The following PFKFB3 variants were observed in gnomAD, a reference collection of about 807,000 sequenced individuals.
The protein encoded by PFKFB3 is 6-phosphofructo-2-kinase/fructose-2,6-bisphosphatase 3.
Under a neutral mutation model 68.0 loss-of-function variants are expected in PFKFB3, and 33 were observed. The ratio of observed to expected loss-of-function variants is 0.49; its 90% CI spans 0.37 to 0.65. PFKFB3 has a LOEUF of 0.65. Among genes scored for constraint, PFKFB3 ranks in the 30% least tolerant of loss-of-function variants. The probability of loss-of-function intolerance (pLI) is 0.00; values close to 1 mark genes in which losing one functional copy is unlikely to be tolerated. For missense variants in PFKFB3, 586 were observed against 712.2 expected, an observed-to-expected ratio of 0.82 and a Z score of 2.02; for synonymous variants, 315 against 288.2, an observed-to-expected ratio of 1.09 and a Z score of -0.94.
chr10:6,246,977 C>T (rs1370627267), intron 14 of PFKFB3, among the ~76,000 whole-genome samples: 1 of 152,228 alleles, frequency 6.6e-6, no homozygotes, highest in East Asian at 1.9e-4. Flanking sequence ...CGCCCTTGCC[C>T]TGTGGGTCTG....
At position 6,215,648 on chromosome 10, in the gene PFKFB3, G is replaced by A. The variant is rs1844527020; in HGVS notation, c.299+331G>A. Among the ~76,000 whole-genome samples the A allele has an allele frequency of 6.6e-6, 1 of 152,196 alleles. No individual in the cohort carries two copies. Among genetic ancestry groups the A allele is most frequent in the Non-Finnish European group, 1.5e-5 (1 of 68,036 alleles). ...CCCTCACTGGGACAGAGCCGCAGAA[G>A]CACCCTCACTGAGAATTAGCAAGTC... is the stretch of plus-strand genomic sequence containing the variant. On this transcript the variant is annotated intron_variant, in intron 3 of 14. Transcript: ENST00000379775. This position sits in a 1 kb window ranked among gnomAD's most constrained non-coding sequence, Gnocchi z 4.3.
chr10:6,300,080 A>G, the PFKFB3 span, among the ~76,000 whole-genome samples: 376 of 139,602 alleles, frequency 2.7e-3, 2 homozygotes, highest in African/African-American at 9.1e-3. Flanking sequence ...CAGAATACCC[A>G]TTGTAGTTAG....
intron 14 of PFKFB3, among the ~76,000 whole-genome samples, chr10:6,230,182 C>G (rs1008088532): frequency 5.3e-5 from 8 of 152,162 alleles, no homozygotes; most frequent in Non-Finnish European, 1.2e-4. Context: ...AAAATACATC[C>G]GATGGACCCA....
rs35266127 is a variant in PFKFB3 at position 6,165,978 on chromosome 10, CT to C, written c.16+20984del. On this transcript the variant is annotated intron_variant, in intron 1 of 14. Coordinates refer to the PFKFB3 transcript ENST00000379789. Reference sequence around the variant, plus strand: ...TACAGGCGTGGATCACCAGGCTCAACTTTTTTTTTTTTTTTTTTTGAGACGA... The same window carrying C: ...TACAGGCGTGGATCACCAGGCTCAACTTTTTTTTTTTTTTTTTTGAGACGA... 2.5e-3 allele frequency among the ~76,000 whole-genome samples: 307 copies of C among 124,868 alleles called. 1 individual carries two copies. The highest frequency in any genetic ancestry group is 5.0e-3 in the African/African-American group (162 of 32,200). 81.9% of individuals were successfully genotyped at this position (124,868 alleles called of 152,430 possible). A position where few individuals can be genotyped will look rare whatever the true frequency, so the allele number is the denominator to read the frequency against.
At position 6,228,308 on chromosome 10, in the gene PFKFB3, A is replaced by G. The variant is rs948172947; in HGVS notation, c.1515+1943A>G. 30 of 1,470,466 alleles carry G rather than the reference A, an allele frequency of 2.0e-5. No individual in the cohort carries two copies. Among genetic ancestry groups the G allele is most frequent in the Admixed American group, 6.7e-5 (4 of 59,666 alleles). 91.1% of individuals were successfully genotyped at this position (1,470,466 alleles called of 1,614,324 possible). ...CCTGCCTGTTAAAATATTGAGGATG[A>G]GAGCAGTTTTGTGATGTGAGGTCTT... On this transcript the variant is annotated intron_variant, in intron 14 of 14. Coordinates refer to ENST00000379775, the MANE Select transcript of PFKFB3 (RefSeq NM_004566.4). This position sits in a 1 kb window ranked among gnomAD's most constrained non-coding sequence, Gnocchi z 4.5.
At chr10:6,304,219 C>T in the PFKFB3 span, among the ~76,000 whole-genome samples, 1 of 152,252 alleles carries the variant, frequency 6.6e-6, no homozygotes, top group East Asian at 1.9e-4. Flanking sequence ...AGATAGAAAG[C>T]TCCCTTTTAT....
At chr10:6,210,107 G>A (rs1052233815) in intron 1 of PFKFB3, among the ~76,000 whole-genome samples, 2 of 120,398 alleles carry the variant, frequency 1.7e-5, no homozygotes, top group African/African-American at 5.2e-5. Context: ...TGAGGCGGGT[G>A]GGGGGTGTCT....
At chr10:6,271,620 A>G in the PFKFB3 span, among the ~76,000 whole-genome samples, 1 of 152,208 alleles carries the variant, frequency 6.6e-6, no homozygotes, top group Non-Finnish European at 1.5e-5. Flanking sequence ...GATCTTGGAC[A>G]AGATGTTCAA....
At chr10:6,304,373 C>A in the PFKFB3 span, among the ~76,000 whole-genome samples, 2 of 151,728 alleles carry the variant, frequency 1.3e-5, no homozygotes, top group African/African-American at 2.4e-5. Context: ...GCTCAGCACA[C>A]CCTAAGAATC....
intron 7 of PFKFB3, 66 bp downstream of exon 7, chr10:6,219,759 C>T (rs1369260204): frequency 4.3e-5 from 67 of 1,555,698 alleles, no homozygotes; most frequent in Admixed American, 7.2e-5. Context: ...TCTTGATGTT[C>T]CCACAAAGGA....
the PFKFB3 span, among the ~76,000 whole-genome samples, chr10:6,292,253 C>T: frequency 1.4e-5 from 2 of 147,248 alleles, no homozygotes; most frequent in African/African-American, 2.5e-5. Context: ...AGCACCCAGC[C>T]GAAACCAGTG....
chr10:6,279,696 A>G, the PFKFB3 span, among the ~76,000 whole-genome samples: 1 of 152,162 alleles, frequency 6.6e-6, no homozygotes, highest in Non-Finnish European at 1.5e-5. Flanking sequence ...CGGCAATCAG[A>G]AACTAACCAT....
the PFKFB3 span, among the ~76,000 whole-genome samples, chr10:6,266,649 A>G: frequency 1.3e-5 from 2 of 152,252 alleles, no homozygotes; most frequent in African/African-American, 2.4e-5. Context: ...TATTGGAAAT[A>G]TACATTCATA....
At chr10:6,226,484 C>A in intron 14 of PFKFB3, 119 bp downstream of exon 14, 1 of 917,640 alleles carries the variant, frequency 1.1e-6, no homozygotes, top group Non-Finnish European at 1.6e-6. Context: ...TGTGGGTGCG[C>A]GTGCGTATGT....
the PFKFB3 span, among the ~76,000 whole-genome samples, chr10:6,269,224 C>G: frequency 7.0e-6 from 1 of 142,432 alleles, no homozygotes; most frequent in Non-Finnish European, 1.6e-5. Flanking sequence ...ATTATTTTTA[C>G]GTTTTTTTTT....
chr10:6,216,777 T>C lies in PFKFB3; in HGVS notation c.438T>C (p.Phe146=), dbSNP rs138054261. Residue 146 remains phenylalanine, a synonymous_variant, in exon 5 of 15, where the codon TTT becomes TTC. Transcript: ENST00000379775. ...TTCATTTTGCCAAAGAAAATGACTTTAAGGTGAGCTGAGCGTCTTGTGTTG... is the reference window on the plus strand; with the variant it reads ...TTCATTTTGCCAAAGAAAATGACTTCAAGGTGAGCTGAGCGTCTTGTGTTG... The part of the protein sequence containing the change: ...MILHFAKEND[F]KAFFIESVCD... 6.2e-6 allele frequency: 10 copies of C among 1,610,316 alleles called. No homozygotes were observed. The highest frequency in any genetic ancestry group is 1.7e-4 in the Middle Eastern group (1 of 6,052).
intron 3 of PFKFB3, 58 bp from the exon 4 acceptor site, chr10:6,216,067 G>T (rs961077157): frequency 6.7e-7 from 1 of 1,496,970 alleles, no homozygotes; most frequent in Non-Finnish European, 9.3e-7. Context: ...GGAGTTGCTT[G>T]GGCTGCCCCA....
Position 6,213,619 on chromosome 10 carries a change from C to T in PFKFB3, c.77-4C>T. 1 of 1,609,904 alleles carries T rather than the reference C, an allele frequency of 6.2e-7. No homozygotes were observed. The highest frequency in any genetic ancestry group is 1.3e-5 in the African/African-American group (1 of 74,888). On this transcript the variant is annotated splice_polypyrimidine_tract_variant and splice_region_variant and intron_variant, in intron 1 of 14. Coordinates refer to ENST00000379775, the MANE Select transcript of PFKFB3 (RefSeq NM_004566.4). The stretch of plus-strand genomic sequence containing the variant: ...TGACACACCCTTCTTGCTTGTTTTT[C>T]CAGCCTGTGGGCCAAAGCTGACCAA...
intron 1 of PFKFB3, among the ~76,000 whole-genome samples, chr10:6,158,329 C>G (rs1272774993): frequency 6.6e-6 from 1 of 151,148 alleles, no homozygotes; most frequent in East Asian, 2.0e-4. Flanking sequence ...AAATAAAAGT[C>G]AGGCAGTGTG....
Sources: allele counts gnomAD v4.1 joint callset (sites outside exome capture counted in the v4.1 genomes callset), GRCh38; gene constraint gnomAD v4.1.1; non-coding constraint Gnocchi (gnomAD v3.1); transcripts MANE v1.5; gene names NCBI Gene and HGNC (gene_info 2026-07-23, HGNC 2026-07-21).